Variants in NCALD observed in about 807,000 individuals in gnomAD.
The protein encoded by NCALD is neurocalcin delta, also known as neurocalcin-delta.
In NCALD, 10 loss-of-function variants were observed where a neutral mutation model predicts 18.6. That is an observed-to-expected ratio of 0.54 (90% CI 0.33 to 0.91). The LOEUF is 0.91. NCALD is among the 40% of genes least tolerant of loss of function. The probability of loss-of-function intolerance (pLI) is 0.03; values close to 1 mark genes in which losing one functional copy is unlikely to be tolerated. For synonymous variants in NCALD, 88 were observed against 87.4 expected (o/e 1.01, Z -0.04); for missense variants, 184 against 247.6 (o/e 0.74, Z 1.72).
intron 4 of NCALD, among the ~76,000 whole-genome samples, chr8:101,823,541 G>A (rs1165900690): frequency 6.6e-6 from 1 of 151,852 alleles, no homozygotes; most frequent in Non-Finnish European, 1.5e-5. Flanking sequence ...CTGGCAAGAC[G>A]TTGAGCAAAT....
intron 2 of NCALD, among the ~76,000 whole-genome samples, chr8:101,982,584 T>A (rs190838772): frequency 8.5e-5 from 13 of 152,296 alleles, no homozygotes; most frequent in Admixed American, 4.6e-4. Flanking sequence ...CTCATGCCTG[T>A]AATCCCAGCA....
intron 1 of NCALD, among the ~76,000 whole-genome samples, chr8:101,754,470 T>C (rs1218494829): frequency 6.6e-6 from 1 of 152,090 alleles, no homozygotes; most frequent in Non-Finnish European, 1.5e-5. Context: ...ATATCTGATA[T>C]GAGGGCTGGT....
At chr8:101,825,770 C>G (rs1813910897) in intron 4 of NCALD, among the ~76,000 whole-genome samples, 1 of 151,918 alleles carries the variant, frequency 6.6e-6, no homozygotes, top group Non-Finnish European at 1.5e-5. Context: ...ACATTTTAGG[C>G]TTTGCAGGTC....
upstream of NCALD, among the ~76,000 whole-genome samples, chr8:101,792,175 A>AAAAT (rs1554633009): frequency 5.9e-5 from 9 of 152,286 alleles, no homozygotes; most frequent in East Asian, 5.8e-4. Flanking sequence ...TCTGTTTCTT[A>AAAAT]AAATAAATAA....
At chr8:101,876,803 T>A (rs1205020901) in intron 4 of NCALD, among the ~76,000 whole-genome samples, 10 of 152,236 alleles carry the variant, frequency 6.6e-5, no homozygotes, top group Admixed American at 1.3e-4. Context: ...AATGTTGCAT[T>A]TTCAGTCCTT....
At chr8:101,762,695 T>C (rs1421457026) in intron 1 of NCALD, among the ~76,000 whole-genome samples, 1 of 151,258 alleles carries the variant, frequency 6.6e-6, no homozygotes, top group African/African-American at 2.4e-5. Context: ...TCCCTCAGCC[T>C]CCCAAGTAGC....
intron 2 of NCALD, among the ~76,000 whole-genome samples, chr8:101,931,013 C>G (rs1401073259): frequency 1.3e-5 from 2 of 152,160 alleles, no homozygotes; most frequent in Non-Finnish European, 2.9e-5. Context: ...AGCTCCTTAT[C>G]AGTACCATAT....
At chr8:101,934,018 G>A (rs1201191716) in intron 2 of NCALD, among the ~76,000 whole-genome samples, 2 of 152,160 alleles carry the variant, frequency 1.3e-5, no homozygotes, top group Non-Finnish European at 2.9e-5. Flanking sequence ...GTGATCCAGA[G>A]CATAATTTTT....
Position 101,689,272 on chromosome 8 carries a change from A to G in NCALD, c.*37T>C. On this transcript the variant is annotated 3_prime_UTR_variant, in exon 4 of 4. Coordinates refer to ENST00000220931, the MANE Select transcript of NCALD (RefSeq NM_032041.3). This position sits in a 1 kb window ranked among gnomAD's most constrained non-coding sequence, Gnocchi z 4.4. ...TTAAAAAGAAGAATCAAAAGGGAAC[A>G]CAAGCAGCTCTACAATTCGATTGGT... 1 of 1,591,270 alleles carries G rather than the reference A, an allele frequency of 6.3e-7. No individual in the cohort carries two copies. Among genetic ancestry groups the G allele is most frequent in the Non-Finnish European group, 8.6e-7 (1 of 1,163,982 alleles).
intron 1 of NCALD, among the ~76,000 whole-genome samples, chr8:102,052,380 C>G (rs1823485678): frequency 6.6e-6 from 1 of 152,236 alleles, no homozygotes; most frequent in African/African-American, 2.4e-5. Context: ...TCACACAACT[C>G]CATTCACAGG....
At chr8:101,701,808 G>A (rs1200423959) in intron 2 of NCALD, among the ~76,000 whole-genome samples, 2 of 152,194 alleles carry the variant, frequency 1.3e-5, no homozygotes, top group African/African-American at 4.8e-5. Flanking sequence ...AAGTTTGGCA[G>A]CACCTGGTTG....
intron 3 of NCALD, among the ~76,000 whole-genome samples, chr8:101,897,706 T>C (rs561044604): frequency 3.9e-5 from 6 of 152,208 alleles, no homozygotes; most frequent in Non-Finnish European, 8.8e-5. Context: ...CTGGGTCACA[T>C]GGTAAATGTA....
At chr8:102,113,421 T>C (rs1825694207) in intron 1 of NCALD, among the ~76,000 whole-genome samples, 1 of 152,222 alleles carries the variant, frequency 6.6e-6, no homozygotes, top group Non-Finnish European at 1.5e-5. Flanking sequence ...GGTCTCTATC[T>C]GATAAGAGGC....
In NCALD at chr8:101,997,483, A is replaced by C. The variant is rs530662059; in HGVS notation, c.-157+22754T>G. Reference sequence around the variant, plus strand: ...AAATAAGACAAAAACATCACTGCAGATAGGAGGCTGAGAAGCTTTCACTGT... The same window carrying C: ...AAATAAGACAAAAACATCACTGCAGCTAGGAGGCTGAGAAGCTTTCACTGT... On this transcript the variant is annotated intron_variant, in intron 2 of 6. Transcript: ENST00000311028. Among the ~76,000 whole-genome samples, 9 of 152,288 alleles carry C rather than the reference A, an allele frequency of 5.9e-5. No individual in the cohort carries two copies. The South Asian group carries it at 1.7e-3, about 28-fold the overall frequency.
chr8:102,090,511 TAGAACAGGAGTTCTGTTCAAGC>T (rs1824891335), intron 1 of NCALD, among the ~76,000 whole-genome samples: 1 of 152,194 alleles, frequency 6.6e-6, no homozygotes, highest in Non-Finnish European at 1.5e-5. Context: ...ACGTTCATGA[TAGAACAGGAGTTCTGTTCAAGC>T]AGAACAGGAG....
chr8:101,920,457 CAA>C (rs1376340951), intron 2 of NCALD, among the ~76,000 whole-genome samples: 1 of 152,054 alleles, frequency 6.6e-6, no homozygotes, highest in Non-Finnish European at 1.5e-5. Context: ...TTCACAATAG[CAA>C]AGACATGGAA....
chr8:102,006,032 T>TA (rs200782507), intron 2 of NCALD, among the ~76,000 whole-genome samples: 9,333 of 138,036 alleles, frequency 0.068, 417 homozygotes, highest in East Asian at 0.2. Context: ...AGTATAATAA[T>TA]AAAAAAAAAA....
At chr8:101,732,590 C>CTTTTTTTTTTTTTTTTTTTTTT (rs576286368) in intron 1 of NCALD, among the ~76,000 whole-genome samples, 1 of 53,676 alleles carries the variant, frequency 1.9e-5, no homozygotes, top group Non-Finnish European at 3.4e-5. Flanking sequence ...TTTTTCTTTG[C>CTTTTTTTTTTTTTTTTTTTTTT]TTTTTTTTTT....
chr8:102,002,348 C>T (rs934841450), intron 2 of NCALD, among the ~76,000 whole-genome samples: 8 of 152,054 alleles, frequency 5.3e-5, no homozygotes, highest in African/African-American at 1.9e-4. Context: ...ATATATGCAC[C>T]CAATACAGGA....
Sources: allele counts gnomAD v4.1 joint callset (sites outside exome capture counted in the v4.1 genomes callset), GRCh38; gene constraint gnomAD v4.1.1; non-coding constraint Gnocchi (gnomAD v3.1); transcripts MANE v1.5; gene names NCBI Gene and HGNC (gene_info 2026-07-23, HGNC 2026-07-21).